Variants in FAM13C observed in about 807,000 individuals in gnomAD.
FAM13C encodes the protein family with sequence similarity 13 member C.
A neutral mutation model predicts 73.2 loss-of-function variants in FAM13C; 37 were observed. The ratio of observed to expected loss-of-function variants is 0.51; its 90% CI spans 0.39 to 0.67. The LOEUF (loss-of-function observed/expected upper bound fraction) is 0.67, where lower values mean the gene tolerates loss of function less well. Among genes scored for constraint, FAM13C ranks in the 30% least tolerant of loss-of-function variants. The probability of loss-of-function intolerance (pLI) is 0.00; values close to 1 mark genes in which losing one functional copy is unlikely to be tolerated. For missense variants in FAM13C, 589 were observed against 715.6 expected (o/e 0.82, Z 2.02); for synonymous variants, 246 against 260.9 (o/e 0.94, Z 0.55).
At chr10:59,312,462 G>T (rs759786505) in intron 4 of FAM13C, among the ~76,000 whole-genome samples, 1 of 152,086 alleles carries the variant, frequency 6.6e-6, no homozygotes, top group Non-Finnish European at 1.5e-5. Context: ...TAGCTTCCAA[G>T]ATGTACCCCT....
At position 59,262,606 on chromosome 10, in the gene FAM13C, G is replaced by A. The variant is rs1426120260; in HGVS notation, c.1064C>T (p.Pro355Leu). Reference protein sequence around the residue: ...LKLSEEQGSAPKGPPRNLLCE... With the variant: ...LKLSEEQGSALKGPPRNLLCE... ...CAACAGGTTTCTAGGTGGACCTTTG[G>A]GAGCACTCCCTTGTTCTTCTGACAG... Residue 355 changes from proline to leucine, a missense_variant, in exon 10 of 14, where the codon CCC becomes CTC. Pro to Leu is a moderately conservative substitution (Grantham distance 98). Transcript: ENST00000618804. 6.2e-7 allele frequency: 1 copy of A among 1,613,530 alleles called. No individual in the cohort carries two copies. Among genetic ancestry groups the A allele is most frequent in the Non-Finnish European group, 8.5e-7 (1 of 1,179,724 alleles).
rs920587723 is a variant in FAM13C at position 59,339,744 on chromosome 10, A to C, written c.324+12526T>G. Among the ~76,000 whole-genome samples the C allele has an allele frequency of 9.9e-5, 15 of 152,238 alleles. 1 individual carries two copies. The East Asian group carries it at 2.7e-3, about 27-fold the overall frequency. ...TAGTTTTGCCCCAAAAGGGATTGCT[A>C]GTGAAACTGATAGTTTGAGAAGTGA... is the stretch of plus-strand genomic sequence containing the variant. On this transcript the variant is annotated intron_variant, in intron 3 of 13. Transcript: ENST00000618804.
intron 13 of FAM13C, among the ~76,000 whole-genome samples, chr10:59,248,248 C>T (rs1395517302): frequency 1.3e-5 from 2 of 152,248 alleles, no homozygotes; most frequent in East Asian, 3.9e-4. Flanking sequence ...TCCAGATTTT[C>T]TTGTAATTAT....
intron 5 of FAM13C, 88 bp from the exon 6 acceptor site, chr10:59,283,535 G>A (rs1358231175): frequency 7.6e-7 from 1 of 1,317,494 alleles, no homozygotes. Context: ...AGAACATGAG[G>A]CCAGCTAAGT....
At chr10:59,347,741 T>C (rs1186941462) in intron 3 of FAM13C, among the ~76,000 whole-genome samples, 1 of 149,164 alleles carries the variant, frequency 6.7e-6, no homozygotes, top group Non-Finnish European at 1.5e-5. Flanking sequence ...TGTGTTCTCA[T>C]TGTTCAACTC....
intron 3 of FAM13C, among the ~76,000 whole-genome samples, chr10:59,344,939 T>C (rs1854099300): frequency 6.6e-6 from 1 of 152,214 alleles, no homozygotes; most frequent in African/African-American, 2.4e-5. Flanking sequence ...ATGGACGCTC[T>C]TCTTCTCTCT....
At chr10:59,321,941 T>C (rs1850360546) in intron 4 of FAM13C, among the ~76,000 whole-genome samples, 1 of 152,106 alleles carries the variant, frequency 6.6e-6, no homozygotes, top group African/African-American at 2.4e-5. Flanking sequence ...CCAAAGAAGG[T>C]GGTATTTTAC....
chr10:59,266,006 G>T (rs1364247647), intron 8 of FAM13C, among the ~76,000 whole-genome samples: 6 of 152,166 alleles, frequency 3.9e-5, no homozygotes, highest in Non-Finnish European at 7.3e-5. Context: ...CATTGTATGA[G>T]ATTTGTGATC....
At chr10:59,318,267 C>G (rs1441045293) in intron 4 of FAM13C, among the ~76,000 whole-genome samples, 1 of 111,186 alleles carries the variant, frequency 9.0e-6, no homozygotes, top group African/African-American at 5.6e-5. Flanking sequence ...CAAGGGTAAT[C>G]TCCTTTAAAA....
At chr10:59,327,893 T>C (rs1008101180) in intron 3 of FAM13C, among the ~76,000 whole-genome samples, 1 of 152,186 alleles carries the variant, frequency 6.6e-6, no homozygotes, top group African/African-American at 2.4e-5. Context: ...TTTACTTCTG[T>C]GTTAATGTGT....
At chr10:59,271,217 A>G (rs1010171501) in intron 6 of FAM13C, among the ~76,000 whole-genome samples, 4 of 152,252 alleles carry the variant, frequency 2.6e-5, no homozygotes, top group Non-Finnish European at 4.4e-5. Flanking sequence ...GATTTTCTGG[A>G]TGAATAAGCA....
At chr10:59,337,638 G>A (rs1433956097) in intron 3 of FAM13C, among the ~76,000 whole-genome samples, 1 of 149,494 alleles carries the variant, frequency 6.7e-6, no homozygotes, top group East Asian at 2.0e-4. Context: ...GACAGGATAG[G>A]AACTTTCCAT....
chr10:59,309,592 T>G (rs1485501082), intron 4 of FAM13C, among the ~76,000 whole-genome samples: 1 of 152,202 alleles, frequency 6.6e-6, no homozygotes, highest in Non-Finnish European at 1.5e-5. Flanking sequence ...CTTTCTCTCC[T>G]AAGTAACTCA....
intron 3 of FAM13C, among the ~76,000 whole-genome samples, chr10:59,333,818 T>C (rs1239621802): frequency 6.6e-6 from 1 of 152,234 alleles, no homozygotes; most frequent in African/African-American, 2.4e-5. Flanking sequence ...CTACTAAAGC[T>C]GCTGCACTAA....
chr10:59,269,473 T>C (rs1843454484), intron 7 of FAM13C, among the ~76,000 whole-genome samples: 1 of 150,842 alleles, frequency 6.6e-6, no homozygotes, highest in South Asian at 2.1e-4. Context: ...GGGTAGCTAT[T>C]GTAAGCTACC....
chr10:59,333,008 T>TTTATTTATTTATTTATTTAC (rs57556314), intron 3 of FAM13C, among the ~76,000 whole-genome samples: 10 of 151,520 alleles, frequency 6.6e-5, no homozygotes, highest in Non-Finnish European at 1.2e-4. Context: ...TATTTATTTA[T>TTTATTTATTTATTTATTTAC]TCATTTATTG....
At chr10:59,254,638 C>A (rs913186935) in intron 10 of FAM13C, among the ~76,000 whole-genome samples, 195 bp from the exon 11 acceptor site, 1 of 151,828 alleles carries the variant, frequency 6.6e-6, no homozygotes, top group Non-Finnish European at 1.5e-5. Context: ...GAGTCTCACT[C>A]TGTCACCCAG....
At chr10:59,317,991 T>G (rs1445567749) in intron 4 of FAM13C, among the ~76,000 whole-genome samples, 3 of 151,764 alleles carry the variant, frequency 2.0e-5, no homozygotes, top group Admixed American at 6.6e-5. Context: ...AGAAGCCCCT[T>G]TCATACACAA....
At chr10:59,344,257 C>G (rs1429832840) in intron 3 of FAM13C, among the ~76,000 whole-genome samples, 1 of 148,130 alleles carries the variant, frequency 6.8e-6, no homozygotes, top group Admixed American at 6.8e-5. Context: ...CCGCCGCGCC[C>G]GGCCTCTATA....
Sources: gnomAD v4.1 joint callset for allele counts (sites outside exome capture counted in the v4.1 genomes callset) on GRCh38, gnomAD v4.1.1 for gene constraint, MANE v1.5 for transcripts, NCBI Gene and HGNC (gene_info 2026-07-23, HGNC 2026-07-21) for gene names.